OTOF: variants seen among roughly 807,000 people sequenced by gnomAD.
OTOF encodes the protein fer-1-like family member 2.
In OTOF, 218 loss-of-function variants were observed where a neutral mutation model predicts 236.8. The observed-to-expected ratio is 0.92, with a 90% CI of 0.82 to 1.03. The LOEUF is 1.03. Among genes scored for constraint, OTOF ranks in the 50% least tolerant of loss-of-function variants. OTOF has a pLI of 0.00. For synonymous variants in OTOF, 1,041 were observed against 1,072.5 expected, an observed-to-expected ratio of 0.97 and a Z score of 0.57; for missense variants, 2,590 against 2,694.4, an observed-to-expected ratio of 0.96 and a Z score of 0.86.
chr2:26,521,803 A>G (rs890006769), intron 3 of OTOF, among the ~76,000 whole-genome samples: 2 of 152,236 alleles, frequency 1.3e-5, no homozygotes, highest in African/African-American at 4.8e-5. Context: ...GCAGGACCCA[A>G]GGGAGATTCC....
chr2:26,510,812 ACTGGCCT>A (rs1666367238), intron 5 of OTOF: 1 of 1,127,862 alleles, frequency 8.9e-7, no homozygotes, highest in African/African-American at 1.6e-5. Flanking sequence ...GACCAGAGAC[ACTGGCCT>A]CAGCCCCGGC....
intron 8 of OTOF, among the ~76,000 whole-genome samples, chr2:26,495,845 G>C (rs1160564809): frequency 6.6e-6 from 1 of 152,194 alleles, no homozygotes; most frequent in Non-Finnish European, 1.5e-5. Context: ...ATGCACTCAG[G>C]AATAAAGCTT....
At chr2:26,468,134 G>A (rs1342370190) in intron 33 of OTOF, among the ~76,000 whole-genome samples, 1 of 152,214 alleles carries the variant, frequency 6.6e-6, no homozygotes, top group Non-Finnish European at 1.5e-5. Context: ...ATGCTGGATG[G>A]AATGAGCTCT....
chr2:26,483,155 T>C (rs533273945), intron 13 of OTOF, among the ~76,000 whole-genome samples: 1 of 125,262 alleles, frequency 8.0e-6, no homozygotes, highest in East Asian at 2.5e-4. Flanking sequence ...ATGTGTGAGT[T>C]GGTATGCGTG....
chr2:26,516,381 G>C, intron 5 of OTOF, 37 bp downstream of exon 5: 2 of 1,594,746 alleles, frequency 1.3e-6, no homozygotes, highest in Non-Finnish European at 1.7e-6. Flanking sequence ...CCCGTGTCTT[G>C]GGAGCAGTGG....
chr2:26,502,150 C>A, intron 7 of OTOF, 150 bp downstream of exon 7: 1 of 840,790 alleles, frequency 1.2e-6, no homozygotes, highest in Non-Finnish European at 1.9e-6. Flanking sequence ...GAGAAAAACA[C>A]CCAAGGAAAA....
At chr2:26,492,046 C>T (rs1002997316) in intron 9 of OTOF, among the ~76,000 whole-genome samples, 8 of 152,072 alleles carry the variant, frequency 5.3e-5, no homozygotes, top group African/African-American at 1.9e-4. Flanking sequence ...ATTCCCACGA[C>T]GAGGAGGATG....
chr2:26,483,965 T>C (rs1665634832), intron 12 of OTOF, among the ~76,000 whole-genome samples: 1 of 152,258 alleles, frequency 6.6e-6, no homozygotes, highest in South Asian at 2.1e-4. Flanking sequence ...CTTAGTATTA[T>C]TGTCAGTGTT....
rs532230243 is a variant in OTOF, at chr2:26,462,370, G to C, written c.5193-189C>G. 8.6e-5 allele frequency among the ~76,000 whole-genome samples: 13 copies of C among 152,014 alleles called. No individual in the cohort carries two copies. Among genetic ancestry groups the C allele is most frequent in the Non-Finnish European group, 1.9e-4 (13 of 67,960 alleles). ...AGGCATGAGTGAGAAGGCCCACCAG[G>C]CACATGGCTGTGGGCGGTGGGGGTG... On this transcript the variant is annotated intron_variant, in intron 41 of 46. Coordinates refer to ENST00000272371, the MANE Select transcript of OTOF (RefSeq NM_194248.3). The surrounding 1 kb of genome is among the most constrained non-coding windows in gnomAD (Gnocchi z 4.7).
At position 26,502,370 on chromosome 2, in the gene OTOF, C is replaced by G. The variant is rs867728269; in HGVS notation, c.640G>C (p.Asp214His). 2.5e-6 allele frequency: 4 copies of G among 1,613,996 alleles called. No individual in the cohort carries two copies. Among genetic ancestry groups the G allele is most frequent in the Non-Finnish European group, 1.7e-6 (2 of 1,179,940 alleles). ...GACACCGAGTCGGGATCCAGTCCAT[C>G]TCCTAGCCGAATGGCCAGATGGTCA... Reference protein sequence around the residue: ...DLDHLAIRLGDGLDPDSVSLA... With the variant: ...DLDHLAIRLGHGLDPDSVSLA... The change falls in exon 7 of 47, where the codon GAT (aspartate) becomes CAT (histidine). Residue 214 changes from aspartate (D) to histidine (H), a missense_variant. Physicochemically the swap from Asp to His is moderately conservative, Grantham distance 81 (BLOSUM62 -1). Coordinates refer to ENST00000272371, the MANE Select transcript of OTOF (RefSeq NM_194248.3).
At chr2:26,538,012 C>T (rs556798353) in intron 1 of OTOF, among the ~76,000 whole-genome samples, 105 of 152,292 alleles carry the variant, frequency 6.9e-4, no homozygotes, top group African/African-American at 2.2e-3. Context: ...ATGTTAGGAA[C>T]GGGAATGCTA....
intron 2 of OTOF, among the ~76,000 whole-genome samples, chr2:26,529,547 G>A (rs997448618): frequency 2.6e-5 from 4 of 151,584 alleles, no homozygotes; most frequent in African/African-American, 9.8e-5. Flanking sequence ...GGCTGAGCAG[G>A]CCCTCGGGAG....
At chr2:26,483,160 T>C (rs2148060012) in intron 13 of OTOF, among the ~76,000 whole-genome samples, 1 of 151,598 alleles carries the variant, frequency 6.6e-6, no homozygotes, top group South Asian at 2.1e-4. Context: ...TGAGTTGGTA[T>C]GCGTGCGTGT....
At chr2:26,512,889 A>G (rs923399231) in intron 5 of OTOF, among the ~76,000 whole-genome samples, 2 of 152,170 alleles carry the variant, frequency 1.3e-5, no homozygotes, top group African/African-American at 4.8e-5. Context: ...CACTTCTGTG[A>G]GGCATCCTTG....
intron 1 of OTOF, among the ~76,000 whole-genome samples, chr2:26,558,062 C>G (rs534416166): frequency 3.3e-5 from 5 of 152,076 alleles, no homozygotes; most frequent in African/African-American, 1.2e-4. Flanking sequence ...CTACTGGCTG[C>G]CTGGTTTCTC....
intron 1 of OTOF, among the ~76,000 whole-genome samples, chr2:26,547,158 T>A (rs1466561445): frequency 6.6e-6 from 1 of 152,214 alleles, no homozygotes; most frequent in Non-Finnish European, 1.5e-5. Flanking sequence ...CTTTTATTGG[T>A]AGTTTGCTGA....
At chr2:26,512,331 A>G (rs567789137) in intron 5 of OTOF, among the ~76,000 whole-genome samples, 1 of 152,336 alleles carries the variant, frequency 6.6e-6, no homozygotes, top group Admixed American at 6.5e-5. Flanking sequence ...ACTCCTAAAG[A>G]CAGCATCAAC....
chr2:26,476,897 G>T lies in OTOF; in HGVS notation c.2670C>A (p.Phe890Leu). Reference protein sequence around the residue: ...GKDCAKVKTLFLKLPGKRGFG... With the variant: ...GKDCAKVKTLLLKLPGKRGFG... Reference sequence around the variant, plus strand: ...ATCCTGCCCCCTCCAGCACCTTAAGGAAGAGCGTCTTGACCTTGGCGCAGT... The same window carrying T: ...ATCCTGCCCCCTCCAGCACCTTAAGTAAGAGCGTCTTGACCTTGGCGCAGT... Residue 890 changes from phenylalanine (F) to leucine (L), a missense_variant, in exon 22 of 47, where the codon TTC becomes TTA. By Grantham distance (22) the Phe-to-Leu change is conservative. Around this residue, in one of 2 missense-constraint regions of OTOF, gnomAD observed 1,379 missense variants for 1,341.6 expected, o/e 1.03. Coordinates refer to ENST00000272371, the MANE Select transcript of OTOF (RefSeq NM_194248.3). 1 of 1,609,820 alleles carries T rather than the reference G, an allele frequency of 6.2e-7. No homozygotes were observed.
intron 2 of OTOF, among the ~76,000 whole-genome samples, chr2:26,535,653 T>A (rs1667052357): frequency 6.6e-6 from 1 of 152,142 alleles, no homozygotes; most frequent in South Asian, 2.1e-4. Flanking sequence ...CCTGCCCCAG[T>A]CTCTCCACAC....
Sources: allele counts gnomAD v4.1 joint callset (sites outside exome capture counted in the v4.1 genomes callset), GRCh38; gene constraint gnomAD v4.1.1; regional missense constraint gnomAD v4.1.1; non-coding constraint Gnocchi (gnomAD v3.1); transcripts MANE v1.5; gene names NCBI Gene and HGNC (gene_info 2026-07-23, HGNC 2026-07-21).